The following PLXDC2 variants were observed in gnomAD, a reference collection of about 807,000 sequenced individuals.
The protein encoded by PLXDC2 is plexin domain containing 2.
PLXDC2 carries 40 observed loss-of-function variants against 68.9 expected under a neutral mutation model. The ratio of observed to expected loss-of-function variants is 0.58; its 90% CI spans 0.45 to 0.76. The LOEUF is 0.76. Among genes scored for constraint, PLXDC2 ranks in the 30% least tolerant of loss-of-function variants. The pLI, the probability that PLXDC2 is intolerant of heterozygous loss-of-function variation, is 0.00. For synonymous variants in PLXDC2, 243 were observed against 234.2 expected (o/e 1.04, Z -0.34); for missense variants, 644 against 661.9 (o/e 0.97, Z 0.30).
intron 9 of PLXDC2, among the ~76,000 whole-genome samples, chr10:20,187,646 A>G (rs1366236291): frequency 6.6e-6 from 1 of 151,894 alleles, no homozygotes; most frequent in African/African-American, 2.4e-5. Context: ...TCAGAAATGG[A>G]TAGAAAATAA....
At chr10:19,934,493 C>T (rs982551480) in intron 1 of PLXDC2, among the ~76,000 whole-genome samples, 1 of 152,126 alleles carries the variant, frequency 6.6e-6, no homozygotes, top group Non-Finnish European at 1.5e-5. Flanking sequence ...GTAAGTGCAC[C>T]AGTGTGAGGT....
chr10:20,136,355 A>G (rs552977483), intron 4 of PLXDC2, among the ~76,000 whole-genome samples: 7 of 152,356 alleles, frequency 4.6e-5, no homozygotes, highest in Non-Finnish European at 8.8e-5. Flanking sequence ...AAATCTGACA[A>G]GTATTTGTAT....
At chr10:20,251,247 T>C (rs1021680707) in intron 13 of PLXDC2, among the ~76,000 whole-genome samples, 2 of 152,230 alleles carry the variant, frequency 1.3e-5, no homozygotes, top group African/African-American at 4.8e-5. Flanking sequence ...GTTATGTGTC[T>C]AGCTTTTCAC....
At chr10:20,214,966 A>G (rs1462435012) in intron 10 of PLXDC2, among the ~76,000 whole-genome samples, 1 of 152,206 alleles carries the variant, frequency 6.6e-6, no homozygotes. Context: ...CCTGAAATCC[A>G]AAAGAGGAAT....
At chr10:20,274,739 C>A (rs1345487408) in intron 13 of PLXDC2, among the ~76,000 whole-genome samples, 1 of 152,052 alleles carries the variant, frequency 6.6e-6, no homozygotes, top group East Asian at 1.9e-4. Context: ...CAAAGAGATA[C>A]AGCCACACAC....
At chr10:19,980,519 C>G (rs1022621198) in intron 1 of PLXDC2, among the ~76,000 whole-genome samples, 2 of 152,134 alleles carry the variant, frequency 1.3e-5, no homozygotes, top group African/African-American at 2.4e-5. Context: ...GGGACCTCTT[C>G]CTGGTTTGTA....
Position 20,217,475 on chromosome 10 carries a change from G to A in PLXDC2, c.1172G>A (p.Arg391Gln), listed in dbSNP as rs536226658. The A allele has an allele frequency of 4.0e-5, 64 of 1,611,924 alleles. No individual in the cohort carries two copies. Among genetic ancestry groups the A allele is most frequent in the Admixed American group, 1.5e-4 (9 of 59,866 alleles). ...ENTEPVETSS[R>Q]TTTTVGATTT... The stretch of plus-strand genomic sequence containing the variant: ...ACAGAACCAGTGGAAACTTCTTCTC[G>A]AACCACCACAACCGTAGGAGCGACA... Residue 391 changes from arginine (R) to glutamine (Q), a missense_variant, in exon 11 of 14, where the codon CGA becomes CAA. Coordinates refer to ENST00000377252, the MANE Select transcript of PLXDC2 (RefSeq NM_032812.9).
chr10:20,117,791 A>T (rs1833640835), intron 4 of PLXDC2, among the ~76,000 whole-genome samples: 1 of 152,204 alleles, frequency 6.6e-6, no homozygotes, highest in Admixed American at 6.5e-5. Flanking sequence ...GGAACACATT[A>T]TGTCTGTGAA....
intron 1 of PLXDC2, among the ~76,000 whole-genome samples, chr10:19,949,701 C>G (rs12354642): frequency 3.9e-5 from 6 of 152,130 alleles, no homozygotes; most frequent in Non-Finnish European, 8.8e-5. Flanking sequence ...GTAAGTGGGT[C>G]TACATGTACA....
chr10:19,872,097 G>A (rs1447039929), intron 1 of PLXDC2, among the ~76,000 whole-genome samples: 2 of 152,086 alleles, frequency 1.3e-5, no homozygotes, highest in Non-Finnish European at 2.9e-5. Flanking sequence ...TGCTGGTTTG[G>A]AGCAATGGGT....
At chr10:19,976,605 C>T (rs1834460319) in intron 1 of PLXDC2, among the ~76,000 whole-genome samples, 1 of 152,182 alleles carries the variant, frequency 6.6e-6, no homozygotes, top group South Asian at 2.1e-4. Flanking sequence ...ACAAAAATTT[C>T]ATGATGATGT....
chr10:20,176,148 C>A (rs1294182662), intron 7 of PLXDC2, among the ~76,000 whole-genome samples: 2 of 152,252 alleles, frequency 1.3e-5, no homozygotes, highest in Middle Eastern at 3.4e-3. Flanking sequence ...TTTTAAACTA[C>A]ATCGTGCAAT....
chr10:20,017,664 A>G (rs1589588505), intron 2 of PLXDC2, among the ~76,000 whole-genome samples: 2 of 152,330 alleles, frequency 1.3e-5, no homozygotes, highest in East Asian at 3.9e-4. Flanking sequence ...TTACTAGCAC[A>G]TACCAAATTT....
At chr10:19,846,162 G>T (rs1837005574) in intron 1 of PLXDC2, among the ~76,000 whole-genome samples, 1 of 152,126 alleles carries the variant, frequency 6.6e-6, no homozygotes. Context: ...TGTAGTCATG[G>T]CAACCACCCT....
intron 1 of PLXDC2, among the ~76,000 whole-genome samples, chr10:19,997,778 C>A (rs564520649): frequency 6.6e-6 from 1 of 152,220 alleles, no homozygotes; most frequent in South Asian, 2.1e-4. Context: ...TCCTGTTCTA[C>A]TCTCAGATTA....
intron 1 of PLXDC2, among the ~76,000 whole-genome samples, chr10:19,870,327 G>A (rs572536379): frequency 2.0e-5 from 3 of 152,318 alleles, no homozygotes; most frequent in African/African-American, 7.2e-5. Context: ...ATAGTTAAAG[G>A]TGATGAATTA....
intron 1 of PLXDC2, among the ~76,000 whole-genome samples, chr10:19,867,466 G>T (rs1837442760): frequency 6.6e-6 from 1 of 152,174 alleles, no homozygotes; most frequent in South Asian, 2.1e-4. Context: ...AGGTCAAGGG[G>T]TATGTTCAGT....
intron 13 of PLXDC2, 67 bp from the exon 14 acceptor site, chr10:20,279,636 A>AGC: frequency 8.3e-7 from 1 of 1,209,956 alleles, no homozygotes; most frequent in Non-Finnish European, 1.2e-6. Flanking sequence ...TAGCTAGCAA[A>AGC]TAGATTTTTC....
intron 1 of PLXDC2, among the ~76,000 whole-genome samples, chr10:19,871,964 A>G (rs1483309607): frequency 6.6e-6 from 1 of 151,802 alleles, no homozygotes; most frequent in Non-Finnish European, 1.5e-5. Context: ...AAAGGCAAGC[A>G]TTTCTGTCTT....
Sources: gnomAD v4.1 joint callset for allele counts (sites outside exome capture counted in the v4.1 genomes callset) on GRCh38, gnomAD v4.1.1 for gene constraint, MANE v1.5 for transcripts, NCBI Gene and HGNC (gene_info 2026-07-23, HGNC 2026-07-21) for gene names.